CNTNAP2: variants seen among roughly 807,000 people sequenced by gnomAD.
CNTNAP2 encodes the protein contactin-associated protein-like 2.
In CNTNAP2, 98 loss-of-function variants were observed where a neutral mutation model predicts 155.2. The observed-to-expected ratio is 0.63, with a 90% CI of 0.54 to 0.75. The LOEUF (loss-of-function observed/expected upper bound fraction) is 0.75, where lower values mean the gene tolerates loss of function less well. CNTNAP2 is among the 30% of genes least tolerant of loss of function. CNTNAP2 has a pLI of 0.00. For missense variants in CNTNAP2, 1,727 were observed against 1,688.1 expected (o/e 1.02, Z -0.40); for synonymous variants, 651 against 631.2 (o/e 1.03, Z -0.47).
At chr7:146,910,758 G>A (rs1355854645) in intron 3 of CNTNAP2, among the ~76,000 whole-genome samples, 3 of 148,490 alleles carry the variant, frequency 2.0e-5, no homozygotes, top group Admixed American at 6.6e-5. Flanking sequence ...AGGACTTCAT[G>A]TCTAAAACAC....
chr7:146,363,983 A>C (rs1016332622), intron 1 of CNTNAP2, among the ~76,000 whole-genome samples: 1 of 152,110 alleles, frequency 6.6e-6, no homozygotes, highest in African/African-American at 2.4e-5. Flanking sequence ...TGGAAGAGGG[A>C]CATTCTTTGA....
intron 12 of CNTNAP2, among the ~76,000 whole-genome samples, chr7:147,586,665 T>C (rs1800632544): frequency 6.6e-6 from 1 of 151,992 alleles, no homozygotes; most frequent in South Asian, 2.1e-4. Flanking sequence ...ACAGCTAACC[T>C]GTGCATTTGT....
At chr7:146,392,213 A>G (rs1411025817) in intron 1 of CNTNAP2, among the ~76,000 whole-genome samples, 4 of 152,132 alleles carry the variant, frequency 2.6e-5, no homozygotes, top group African/African-American at 7.2e-5. Flanking sequence ...AATAATTATA[A>G]ATATTTCATG....
At chr7:148,122,302 C>A (rs1227478307) in intron 16 of CNTNAP2, among the ~76,000 whole-genome samples, 1 of 152,116 alleles carries the variant, frequency 6.6e-6, no homozygotes, top group Non-Finnish European at 1.5e-5. Flanking sequence ...GAACAGATAG[C>A]AAGAAAGAGG....
At chr7:147,509,225 C>A (rs148652804) in intron 11 of CNTNAP2, among the ~76,000 whole-genome samples, 2 of 152,100 alleles carry the variant, frequency 1.3e-5, no homozygotes, top group South Asian at 4.1e-4. Flanking sequence ...GATTTAGGGC[C>A]CCCACTCTCT....
chr7:146,841,129 C>T (rs1803712909), intron 3 of CNTNAP2, among the ~76,000 whole-genome samples: 1 of 152,206 alleles, frequency 6.6e-6, no homozygotes, highest in Admixed American at 6.5e-5. Context: ...TGTGTCCCAA[C>T]CCCAGAGACT....
intron 1 of CNTNAP2, among the ~76,000 whole-genome samples, chr7:146,605,840 G>A (rs347194): frequency 0.13 from 20,362 of 152,048 alleles, 2,367 homozygotes; most frequent in African/African-American, 0.31. Flanking sequence ...CTCGAATGCT[G>A]TTGAAAAGTC....
chr7:146,574,242 A>G (rs1264850783), intron 1 of CNTNAP2, among the ~76,000 whole-genome samples: 1 of 152,182 alleles, frequency 6.6e-6, no homozygotes, highest in Non-Finnish European at 1.5e-5. Flanking sequence ...ATTTTTCTTC[A>G]TAGAATTCTG....
chr7:146,886,165 G>C (rs1030686777), intron 3 of CNTNAP2, among the ~76,000 whole-genome samples: 2 of 151,644 alleles, frequency 1.3e-5, no homozygotes, highest in Admixed American at 6.6e-5. Context: ...CCTAGAGCTG[G>C]AGGAATGTTT....
intron 16 of CNTNAP2, among the ~76,000 whole-genome samples, chr7:148,143,212 TCCTCACTTTGGA>T (rs1245067250): frequency 1.3e-5 from 2 of 152,184 alleles, no homozygotes; most frequent in Non-Finnish European, 2.9e-5. Flanking sequence ...ATGGATATAA[TCCTCACTTTGGA>T]CCTCAAACTG....
At chr7:147,021,337 C>G (rs916743587) in intron 3 of CNTNAP2, among the ~76,000 whole-genome samples, 1 of 152,132 alleles carries the variant, frequency 6.6e-6, no homozygotes, top group African/African-American at 2.4e-5. Flanking sequence ...CTCTCAGCAT[C>G]CCACATACTC....
chr7:148,132,354 T>C (rs1433241984), intron 16 of CNTNAP2, among the ~76,000 whole-genome samples: 1 of 151,980 alleles, frequency 6.6e-6, no homozygotes, highest in African/African-American at 2.4e-5. Flanking sequence ...CTATTTCTTT[T>C]GTATTGCTGT....
chr7:148,016,423 G>C (rs1169114561), intron 15 of CNTNAP2, among the ~76,000 whole-genome samples: 1 of 152,116 alleles, frequency 6.6e-6, no homozygotes, highest in Non-Finnish European at 1.5e-5. Flanking sequence ...CATGACACTT[G>C]GATGCTCCAG....
intron 19 of CNTNAP2, among the ~76,000 whole-genome samples, chr7:148,224,532 C>G (rs1795811001): frequency 6.6e-6 from 1 of 152,074 alleles, no homozygotes; most frequent in Admixed American, 6.6e-5. Flanking sequence ...GGCATTGCAA[C>G]CGCTATTTGG....
intron 12 of CNTNAP2, among the ~76,000 whole-genome samples, chr7:147,623,600 G>C (rs1339594490): frequency 6.6e-6 from 1 of 151,778 alleles, no homozygotes. Context: ...AGAAATTGAG[G>C]AGAACACCAA....
intron 14 of CNTNAP2, among the ~76,000 whole-genome samples, chr7:147,907,472 C>T (rs1799983170): frequency 6.6e-6 from 1 of 152,112 alleles, no homozygotes; most frequent in Non-Finnish European, 1.5e-5. Context: ...AGCAAAGGCC[C>T]TCCTTCCTAT....
chr7:146,335,112 A>C (rs1801252288), intron 1 of CNTNAP2, among the ~76,000 whole-genome samples: 1 of 152,182 alleles, frequency 6.6e-6, no homozygotes, highest in African/African-American at 2.4e-5. Context: ...CCAAATGCTC[A>C]GAAATTACTG....
chr7:147,897,327 A>C (rs1799793084), intron 13 of CNTNAP2, among the ~76,000 whole-genome samples: 1 of 152,206 alleles, frequency 6.6e-6, no homozygotes, highest in Non-Finnish European at 1.5e-5. Context: ...AGATTCTGAG[A>C]TATATAATCT....
At chr7:148,025,920 G>A (rs1270914571) in intron 15 of CNTNAP2, among the ~76,000 whole-genome samples, 3 of 152,284 alleles carry the variant, frequency 2.0e-5, no homozygotes, top group Non-Finnish European at 4.4e-5. Context: ...CTATATGACC[G>A]ATTCTAATGT....
Sources: gnomAD v4.1 joint callset for allele counts (sites outside exome capture counted in the v4.1 genomes callset) on GRCh38, gnomAD v4.1.1 for gene constraint, MANE v1.5 for transcripts, NCBI Gene and HGNC (gene_info 2026-07-23, HGNC 2026-07-21) for gene names.